The following BFSP2 variants were observed in gnomAD, a reference collection of about 807,000 sequenced individuals.
The protein encoded by BFSP2 is phakinin.
Under a neutral mutation model 44.9 loss-of-function variants are expected in BFSP2, and 38 were observed. The observed-to-expected ratio is 0.85, with a 90% CI of 0.65 to 1.11. BFSP2 has a LOEUF of 1.11. BFSP2 is among the 50% of genes least tolerant of loss of function. The pLI is 0.00. For missense variants in BFSP2, 525 were observed against 533.0 expected (o/e 0.99, Z 0.15); for synonymous variants, 197 against 209.9 (o/e 0.94, Z 0.53).
intron 1 of BFSP2, chr3:133,404,891 CGG>C (rs1334430333): frequency 1.3e-5 from 2 of 152,226 alleles, no homozygotes; most frequent in Non-Finnish European, 1.5e-5. Flanking sequence ...GTGGTGAAAA[CGG>C]ACAGAAAAAC....
intron 4 of BFSP2, 82 bp downstream of exon 4, chr3:133,450,546 C>T (rs868306517): frequency 1.3e-4 from 204 of 1,514,550 alleles, no homozygotes; most frequent in African/African-American, 1.3e-3. Flanking sequence ...AATGTGCAGA[C>T]GAAGAAATAA....
intron 1 of BFSP2, among the ~76,000 whole-genome samples, chr3:133,446,778 G>A (rs2073905483): frequency 6.6e-6 from 1 of 150,822 alleles, no homozygotes; most frequent in Non-Finnish European, 1.5e-5. Context: ...CAATGTTTAT[G>A]TTCACGTGTA....
intron 4 of BFSP2, among the ~76,000 whole-genome samples, chr3:133,458,631 G>C (rs1000574861): frequency 6.6e-6 from 1 of 152,164 alleles, no homozygotes; most frequent in African/African-American, 2.4e-5. Flanking sequence ...GGAGGTGGAG[G>C]ATTGCAGTGA....
intron 1 of BFSP2, among the ~76,000 whole-genome samples, chr3:133,446,636 AT>A (rs2073903537): frequency 1.2e-5 from 1 of 83,484 alleles, no homozygotes; most frequent in African/African-American, 4.4e-5. Flanking sequence ...ATATATATAT[AT>A]ATAAAGGAGT....
intron 1 of BFSP2, among the ~76,000 whole-genome samples, chr3:133,436,778 C>T (rs1016724444): frequency 2.0e-5 from 3 of 152,178 alleles, no homozygotes; most frequent in Non-Finnish European, 4.4e-5. Context: ...ACTACAGGCC[C>T]TGGTGTGTGA....
chr3:133,461,854 T>A (rs1210972780), intron 4 of BFSP2, among the ~76,000 whole-genome samples: 2 of 152,238 alleles, frequency 1.3e-5, no homozygotes, highest in East Asian at 3.8e-4. Flanking sequence ...TGGGAGGTCT[T>A]TAACACCTCT....
rs558052017 is a variant in BFSP2, at chr3:133,415,338, G to C, written c.489+14766G>C. Among the ~76,000 whole-genome samples, 60 of 7,108 alleles carry C rather than the reference G, an allele frequency of 8.4e-3. 1 individual carries two copies. Among genetic ancestry groups the C allele is most frequent in the East Asian group, 0.033 (4 of 120 alleles). 4.7% of individuals were successfully genotyped at this position (7,108 alleles called of 152,430 possible). On this transcript the variant is annotated intron_variant, in intron 1 of 6. Transcript: ENST00000302334. Reference sequence around the variant, plus strand: ...CCTGTCCTTTCCCCTCTACTCACCCGTGTCCTCTCCCCTCTACTCACCCCT... The same window carrying C: ...CCTGTCCTTTCCCCTCTACTCACCCCTGTCCTCTCCCCTCTACTCACCCCT...
At chr3:133,414,686 C>CT (rs2073493674) in intron 1 of BFSP2, among the ~76,000 whole-genome samples, 1 of 144,544 alleles carries the variant, frequency 6.9e-6, no homozygotes, top group Non-Finnish European at 1.5e-5. Flanking sequence ...TCTACTCACC[C>CT]TGCCATCTCT....
intron 1 of BFSP2, among the ~76,000 whole-genome samples, chr3:133,430,883 C>T: frequency 6.6e-6 from 1 of 152,148 alleles, no homozygotes; most frequent in East Asian, 1.9e-4. Context: ...CTTTTATCAC[C>T]TCCCCTCCTC....
At chr3:133,465,835 T>C (rs1212575451) in intron 4 of BFSP2, among the ~76,000 whole-genome samples, 1 of 152,242 alleles carries the variant, frequency 6.6e-6, no homozygotes, top group Non-Finnish European at 1.5e-5. Flanking sequence ...TCAGCAGTTC[T>C]ACTACAAGAA....
At chr3:133,430,624 A>G (rs2073704928) in intron 1 of BFSP2, among the ~76,000 whole-genome samples, 1 of 152,128 alleles carries the variant, frequency 6.6e-6, no homozygotes, top group Non-Finnish European at 1.5e-5. Flanking sequence ...AAATGGGCAA[A>G]TGGTCTGAGG....
chr3:133,443,499 A>G (rs1313287037), intron 1 of BFSP2, among the ~76,000 whole-genome samples: 1 of 152,236 alleles, frequency 6.6e-6, no homozygotes, highest in Non-Finnish European at 1.5e-5. Context: ...GAGTGGTGTC[A>G]TGGAAGCCGA....
intron 1 of BFSP2, among the ~76,000 whole-genome samples, chr3:133,408,057 A>G (rs929027984): frequency 9.2e-5 from 14 of 152,216 alleles, no homozygotes; most frequent in African/African-American, 2.4e-4. Context: ...TGCATTTCAA[A>G]ATATCACCAT....
At chr3:133,444,267 T>C (rs182909625) in intron 1 of BFSP2, among the ~76,000 whole-genome samples, 10 of 152,178 alleles carry the variant, frequency 6.6e-5, no homozygotes, top group Admixed American at 3.3e-4. Context: ...CAAATAACAA[T>C]GATGATAATG....
intron 1 of BFSP2, among the ~76,000 whole-genome samples, chr3:133,422,454 G>A (rs1007355918): frequency 6.6e-6 from 1 of 152,144 alleles, no homozygotes; most frequent in African/African-American, 2.4e-5. Flanking sequence ...CTTCACTTCT[G>A]TGTACCCTGA....
At chr3:133,446,703 G>A (rs1421173616) in intron 1 of BFSP2, among the ~76,000 whole-genome samples, 2 of 140,928 alleles carry the variant, frequency 1.4e-5, no homozygotes, top group Non-Finnish European at 3.1e-5. Flanking sequence ...GATCCTGAGA[G>A]GCTTGGGGAT....
At chr3:133,465,977 T>C (rs1485778791) in intron 4 of BFSP2, among the ~76,000 whole-genome samples, 1 of 152,172 alleles carries the variant, frequency 6.6e-6, no homozygotes, top group African/African-American at 2.4e-5. Context: ...TCTAAATACA[T>C]TGCAGCCCTT....
intron 1 of BFSP2, among the ~76,000 whole-genome samples, chr3:133,424,403 C>G (rs1373965640): frequency 6.6e-6 from 1 of 152,016 alleles, no homozygotes; most frequent in Non-Finnish European, 1.5e-5. Context: ...GAAGAAACCT[C>G]GTTTCTTTCC....
At chr3:133,470,426 C>T (rs2074151679) in intron 5 of BFSP2, among the ~76,000 whole-genome samples, 1 of 152,142 alleles carries the variant, frequency 6.6e-6, no homozygotes, top group Non-Finnish European at 1.5e-5. Context: ...TTAATTCAAT[C>T]CAATTTAGAA....
Sources: gnomAD v4.1 joint callset for allele counts (sites outside exome capture counted in the v4.1 genomes callset) on GRCh38, gnomAD v4.1.1 for gene constraint, MANE v1.5 for transcripts, NCBI Gene and HGNC (gene_info 2026-07-23, HGNC 2026-07-21) for gene names.